Variants in EYS observed in about 807,000 individuals in gnomAD.
EYS encodes the protein EGF-like photoreceptor maintenance factor.
Under a neutral mutation model 282.1 loss-of-function variants are expected in EYS, and 250 were observed. The ratio of observed to expected loss-of-function variants is 0.89; its 90% CI spans 0.80 to 0.98. EYS has a LOEUF of 0.98. EYS is among the 50% of genes least tolerant of loss of function. The probability of loss-of-function intolerance (pLI) is 0.00; values close to 1 mark genes in which losing one functional copy is unlikely to be tolerated. For missense variants in EYS, 4,016 were observed against 3,709.0 expected (o/e 1.08, Z -2.15); for synonymous variants, 1,355 against 1,282.9 (o/e 1.06, Z -1.20).
chr6:65,144,884 C>T (rs1307686608), intron 12 of EYS, among the ~76,000 whole-genome samples: 2 of 151,900 alleles, frequency 1.3e-5, no homozygotes, highest in Admixed American at 6.6e-5. Context: ...CCTGCCTCAG[C>T]CTCCCAAGTA....
At chr6:63,955,011 C>T (rs1765754924) in intron 35 of EYS, among the ~76,000 whole-genome samples, 1 of 152,134 alleles carries the variant, frequency 6.6e-6, no homozygotes, top group Non-Finnish European at 1.5e-5. Context: ...GGATTTGCCC[C>T]TGTGAAGGAC....
intron 35 of EYS, among the ~76,000 whole-genome samples, chr6:63,883,184 C>T (rs568985923): frequency 1.3e-5 from 2 of 152,278 alleles, no homozygotes; most frequent in East Asian, 1.9e-4. Context: ...GAAGTTGGAA[C>T]TTTCTTACTA....
intron 29 of EYS, among the ~76,000 whole-genome samples, chr6:64,316,449 A>T (rs758397135): frequency 1.3e-5 from 2 of 152,174 alleles, no homozygotes; most frequent in Non-Finnish European, 2.9e-5. Context: ...ATCATGACTG[A>T]ACTCCCATTC....
chr6:65,668,823 G>T (rs1032369356), intron 1 of EYS, among the ~76,000 whole-genome samples: 2 of 151,876 alleles, frequency 1.3e-5, no homozygotes, highest in African/African-American at 2.4e-5. Flanking sequence ...TTATTTAGCA[G>T]GAAGCCAATA....
chr6:64,648,557 T>A (rs1412467968), intron 22 of EYS, among the ~76,000 whole-genome samples: 2 of 152,310 alleles, frequency 1.3e-5, no homozygotes, highest in Admixed American at 6.5e-5. Context: ...CTTAAAAAAC[T>A]GATTGATAAT....
chr6:65,357,377 T>C (rs576941577), intron 8 of EYS, among the ~76,000 whole-genome samples: 1 of 152,094 alleles, frequency 6.6e-6, no homozygotes, highest in African/African-American at 2.4e-5. Flanking sequence ...TTCTTGTCCA[T>C]CGTCTATAAT....
chr6:65,170,293 T>C (rs1765075660), intron 12 of EYS, among the ~76,000 whole-genome samples: 1 of 151,074 alleles, frequency 6.6e-6, no homozygotes, highest in African/African-American at 2.4e-5. Flanking sequence ...GAAAAGAACA[T>C]CCCTGAAATG....
chr6:65,373,592 A>G (rs1302796613), intron 8 of EYS, among the ~76,000 whole-genome samples: 1 of 152,110 alleles, frequency 6.6e-6, no homozygotes, highest in Non-Finnish European at 1.5e-5. Context: ...ACATACAAAT[A>G]TCTAAAACCA....
chr6:65,259,005 A>G (rs1040146459), intron 12 of EYS, among the ~76,000 whole-genome samples: 3 of 152,038 alleles, frequency 2.0e-5, no homozygotes, highest in African/African-American at 4.8e-5. Flanking sequence ...AACTTTTGTT[A>G]CTTCTGAATA....
intron 13 of EYS, among the ~76,000 whole-genome samples, chr6:65,052,207 TG>T (rs1561941587): frequency 6.6e-6 from 1 of 151,518 alleles, no homozygotes; most frequent in African/African-American, 2.4e-5. Flanking sequence ...CATTTAGTTC[TG>T]GGGGAAAGAT....
intron 41 of EYS, among the ~76,000 whole-genome samples, chr6:63,748,535 T>C (rs1228871197): frequency 2.0e-5 from 3 of 152,132 alleles, no homozygotes; most frequent in East Asian, 1.9e-4. Context: ...CCTCATCAAT[T>C]TTTTGGAATA....
intron 15 of EYS, among the ~76,000 whole-genome samples, chr6:64,919,043 C>T (rs1489516625): frequency 2.6e-5 from 4 of 151,960 alleles, no homozygotes; most frequent in Non-Finnish European, 5.9e-5. Context: ...TTTATAGAAT[C>T]TTAGGTACAT....
intron 27 of EYS, among the ~76,000 whole-genome samples, chr6:64,437,938 A>G (rs1426729941): frequency 2.0e-5 from 3 of 151,662 alleles, no homozygotes; most frequent in African/African-American, 4.8e-5. Context: ...TCATAAAAGA[A>G]ATGGTAGCCC....
chr6:65,369,296 A>G (rs1765037355), intron 8 of EYS, among the ~76,000 whole-genome samples: 1 of 90,442 alleles, frequency 1.1e-5, no homozygotes, highest in Non-Finnish European at 2.8e-5. Context: ...TTATATATAT[A>G]TTTATGTATA....
intron 22 of EYS, among the ~76,000 whole-genome samples, chr6:64,702,247 C>T (rs1190096671): frequency 6.6e-6 from 1 of 152,012 alleles, no homozygotes; most frequent in African/African-American, 2.4e-5. Flanking sequence ...GTTTCACACC[C>T]TTTCTACAAA....
intron 31 of EYS, among the ~76,000 whole-genome samples, chr6:64,167,917 C>G (rs548576168): frequency 9.9e-5 from 15 of 151,920 alleles, no homozygotes; most frequent in Middle Eastern, 3.4e-3. Context: ...TAGAAAAAAA[C>G]ACAAAATGAT....
chr6:65,564,262 G>GA lies in EYS; in HGVS notation c.-332-68270dup, dbSNP rs36152785. The stretch of plus-strand genomic sequence containing the variant: ...ATCATTGACTTTCTTCAAAGAGTTA[G>GA]AAAAAAACTACATTAAATTTCATAT... On this transcript the variant is annotated intron_variant, in intron 2 of 42. Coordinates refer to ENST00000503581, the MANE Select transcript of EYS (RefSeq NM_001142800.2). 1.3e-4 allele frequency among the ~76,000 whole-genome samples: 19 copies of GA among 151,964 alleles called. 1 individual carries two copies. Among genetic ancestry groups the GA allele is most frequent in the Admixed American group, 1.2e-3 (19 of 15,252 alleles).
At chr6:64,592,092 C>A in intron 25 of EYS, 103 bp from the exon 26 acceptor site, 2 of 683,026 alleles carry the variant, frequency 2.9e-6, no homozygotes, top group Admixed American at 3.2e-5. Context: ...CACCTTACAT[C>A]CATTATATGT....
chr6:63,782,769 T>C (rs1168310068), intron 39 of EYS, among the ~76,000 whole-genome samples: 3 of 152,174 alleles, frequency 2.0e-5, no homozygotes, highest in Non-Finnish European at 2.9e-5. Context: ...GCTCTGATCT[T>C]AGTTATTTAT....
Sources: allele counts gnomAD v4.1 joint callset (sites outside exome capture counted in the v4.1 genomes callset), GRCh38; gene constraint gnomAD v4.1.1; transcripts MANE v1.5; gene names NCBI Gene and HGNC (gene_info 2026-07-23, HGNC 2026-07-21).